KCNAB1: variants seen among roughly 807,000 people sequenced by gnomAD.
KCNAB1 encodes the protein voltage-gated potassium channel subunit beta-1.
A neutral mutation model predicts 64.6 loss-of-function variants in KCNAB1; 35 were observed. That is an observed-to-expected ratio of 0.54 (90% CI 0.41 to 0.72). The LOEUF is 0.72. KCNAB1 is among the 30% of genes least tolerant of loss of function. KCNAB1 has a pLI of 0.00. For synonymous variants in KCNAB1, 177 were observed against 183.8 expected, an observed-to-expected ratio of 0.96 and a Z score of 0.30; for missense variants, 401 against 512.9, an observed-to-expected ratio of 0.78 and a Z score of 2.11.
chr3:156,129,971 A>C (rs1713896500), intron 1 of KCNAB1, among the ~76,000 whole-genome samples: 1 of 152,198 alleles, frequency 6.6e-6, no homozygotes, highest in Non-Finnish European at 1.5e-5. Context: ...CTCTCCATGC[A>C]CAGTGGATCC....
chr3:156,447,876 G>T (rs1035053573), intron 2 of KCNAB1, among the ~76,000 whole-genome samples: 1 of 152,168 alleles, frequency 6.6e-6, no homozygotes, highest in Admixed American at 6.5e-5. Flanking sequence ...ATATTAAAAT[G>T]ATCTCATCTA....
At chr3:156,464,933 A>G (rs1040253504) in intron 6 of KCNAB1, among the ~76,000 whole-genome samples, 4 of 152,200 alleles carry the variant, frequency 2.6e-5, no homozygotes, top group African/African-American at 9.6e-5. Context: ...GGTATTACTA[A>G]TGTACTTATT....
chr3:156,199,311 C>T (rs748315741), intron 1 of KCNAB1, among the ~76,000 whole-genome samples: 2 of 152,022 alleles, frequency 1.3e-5, no homozygotes, highest in South Asian at 2.1e-4. Context: ...TTGCTTTTCT[C>T]GAGGAGTGTC....
chr3:156,220,459 T>G (rs570511286), intron 1 of KCNAB1, among the ~76,000 whole-genome samples: 1 of 152,386 alleles, frequency 6.6e-6, no homozygotes, highest in East Asian at 1.9e-4. Flanking sequence ...TGCATTTCTC[T>G]GATGACCAGT....
intron 1 of KCNAB1, among the ~76,000 whole-genome samples, chr3:156,413,761 T>A (rs1330603152): frequency 6.6e-6 from 1 of 152,184 alleles, no homozygotes; most frequent in Non-Finnish European, 1.5e-5. Flanking sequence ...ACTGTGAGCA[T>A]CACTGAACAG....
intron 1 of KCNAB1, among the ~76,000 whole-genome samples, chr3:156,211,820 G>A (rs934674274): frequency 6.6e-6 from 1 of 152,188 alleles, no homozygotes; most frequent in Admixed American, 6.5e-5. Flanking sequence ...TGAACTTGTG[G>A]CAGGTTGCCC....
chr3:156,274,560 A>T (rs970794631), intron 1 of KCNAB1, among the ~76,000 whole-genome samples: 2 of 152,046 alleles, frequency 1.3e-5, no homozygotes, highest in African/African-American at 4.8e-5. Context: ...TTAATGACAG[A>T]TTTGAAGGTT....
At chr3:156,150,502 G>A (rs1309279678) in intron 1 of KCNAB1, among the ~76,000 whole-genome samples, 4 of 152,132 alleles carry the variant, frequency 2.6e-5, no homozygotes, top group African/African-American at 4.8e-5. Flanking sequence ...ACAGGGATCC[G>A]TGCTTTCTTA....
At chr3:156,534,971 T>C (rs1718954463) in intron 13 of KCNAB1, among the ~76,000 whole-genome samples, 1 of 151,976 alleles carries the variant, frequency 6.6e-6, no homozygotes, top group Non-Finnish European at 1.5e-5. Flanking sequence ...GTGTAATGAA[T>C]GAAGGATTCT....
chr3:156,388,671 C>T (rs996854605), intron 1 of KCNAB1, among the ~76,000 whole-genome samples: 2 of 152,190 alleles, frequency 1.3e-5, no homozygotes, highest in African/African-American at 4.8e-5. Context: ...AGCCAGTGGC[C>T]ATGGAAATAA....
At chr3:156,284,889 C>T (rs1435004759) in intron 1 of KCNAB1, among the ~76,000 whole-genome samples, 4 of 152,170 alleles carry the variant, frequency 2.6e-5, no homozygotes, top group African/African-American at 9.7e-5. Context: ...TGAGATGAAC[C>T]CGGTACCTCA....
At chr3:156,262,680 C>T (rs148230069) in intron 1 of KCNAB1, among the ~76,000 whole-genome samples, 111 of 151,652 alleles carry the variant, frequency 7.3e-4, no homozygotes, top group Middle Eastern at 3.4e-3. Flanking sequence ...CAAAATAATA[C>T]CTTAAAGAAG....
At chr3:156,221,302 A>T (rs1715714856) in intron 1 of KCNAB1, among the ~76,000 whole-genome samples, 1 of 152,204 alleles carries the variant, frequency 6.6e-6, no homozygotes, top group South Asian at 2.1e-4. Context: ...AAATTAATAA[A>T]TTACCTTAGG....
At chr3:156,339,133 C>T (rs534772591) in intron 1 of KCNAB1, among the ~76,000 whole-genome samples, 13 of 152,202 alleles carry the variant, frequency 8.5e-5, no homozygotes, top group African/African-American at 3.1e-4. Context: ...GACTCTGGTC[C>T]ACACTAAATG....
At chr3:156,245,199 CTAGGAGAGG>C (rs1717380540) in intron 1 of KCNAB1, among the ~76,000 whole-genome samples, 1 of 152,198 alleles carries the variant, frequency 6.6e-6, no homozygotes, top group Non-Finnish European at 1.5e-5. Context: ...CTAGAGTTAG[CTAGGAGAGG>C]TATCTCCTAG....
chr3:156,187,558 G>A (rs1252057230), intron 1 of KCNAB1, among the ~76,000 whole-genome samples: 1 of 152,104 alleles, frequency 6.6e-6, no homozygotes, highest in African/African-American at 2.4e-5. Flanking sequence ...CACTCAGATC[G>A]GAAACTTGGG....
intron 8 of KCNAB1, among the ~76,000 whole-genome samples, chr3:156,495,015 T>C (rs1715907193): frequency 6.6e-6 from 1 of 152,108 alleles, no homozygotes; most frequent in African/African-American, 2.4e-5. Flanking sequence ...CCTGATACTC[T>C]CCCTCCTCCT....
intron 1 of KCNAB1, among the ~76,000 whole-genome samples, chr3:156,365,550 C>G (rs1385856206): frequency 6.6e-6 from 1 of 152,212 alleles, no homozygotes; most frequent in East Asian, 1.9e-4. Flanking sequence ...GTATTTTTCA[C>G]AGTTGTAATC....
chr3:156,332,289 T>C (rs1169425991), intron 1 of KCNAB1, among the ~76,000 whole-genome samples: 1 of 152,188 alleles, frequency 6.6e-6, no homozygotes, highest in Non-Finnish European at 1.5e-5. Context: ...AATAGTTTGA[T>C]GCCCAGATTT....
Sources: gnomAD v4.1 joint callset for allele counts (sites outside exome capture counted in the v4.1 genomes callset) on GRCh38, gnomAD v4.1.1 for gene constraint, MANE v1.5 for transcripts, NCBI Gene and HGNC (gene_info 2026-07-23, HGNC 2026-07-21) for gene names.